The following FAH variants were observed in gnomAD, a reference collection of about 807,000 sequenced individuals.
FAH encodes the protein fumarylacetoacetate hydrolase, also known as fumarylacetoacetase.
A neutral mutation model predicts 55.8 loss-of-function variants in FAH; 47 were observed. The ratio of observed to expected loss-of-function variants is 0.84; its 90% CI spans 0.67 to 1.07. The LOEUF is 1.07. Ranked by LOEUF, FAH falls within the 50% of genes least tolerant of loss-of-function variation. The pLI, the probability that FAH is intolerant of heterozygous loss-of-function variation, is 0.00. For missense variants in FAH, 495 were observed against 545.9 expected (o/e 0.91, Z 0.93); for synonymous variants, 199 against 207.7 (o/e 0.96, Z 0.36).
At chr15:80,176,157 C>A (rs979703999) in intron 10 of FAH, among the ~76,000 whole-genome samples, 1 of 152,176 alleles carries the variant, frequency 6.6e-6, no homozygotes, top group Non-Finnish European at 1.5e-5. Context: ...GCTGGGATTA[C>A]AGGCATGCGC....
rs116235731 is a variant in FAH at position 80,173,834 on chromosome 15, C to T, written c.837+690C>T. ...GTTCTCCAGTGTCTCTGAGTCCTCA[C>T]GATGCCCCTCTCCAATTCTGACCTC... is the stretch of plus-strand genomic sequence containing the variant. On this transcript the variant is annotated intron_variant, in intron 9 of 13. Coordinates refer to ENST00000561421, the MANE Select transcript of FAH (RefSeq NM_000137.4). 707 of 159,238 alleles carry T rather than the reference C, an allele frequency of 4.4e-3. 5 individuals carry two copies. The highest frequency in any genetic ancestry group is 0.017 in the African/African-American group (692 of 41,650). 9.9% of individuals were successfully genotyped at this position (159,238 alleles called of 1,614,324 possible).
At chr15:80,170,978 G>A (rs1252499063) in intron 7 of FAH, among the ~76,000 whole-genome samples, 1 of 152,154 alleles carries the variant, frequency 6.6e-6, no homozygotes, top group African/African-American at 2.4e-5. Flanking sequence ...ACAGATAGGG[G>A]TTAGAGGCCG....
intron 4 of FAH, among the ~76,000 whole-genome samples, 195 bp from the exon 5 acceptor site, chr15:80,162,051 G>T (rs1295592442): frequency 1.3e-5 from 2 of 152,220 alleles, no homozygotes; most frequent in Non-Finnish European, 2.9e-5. Context: ...TTGTTTCTCA[G>T]CTGAGGGCTC....
chr15:80,184,738 C>T (rs2041356618), intron 13 of FAH, among the ~76,000 whole-genome samples: 1 of 152,146 alleles, frequency 6.6e-6, no homozygotes, highest in Admixed American at 6.5e-5. Context: ...TCTTAGGGCC[C>T]CCCAAAGGAC....
chr15:80,182,634 C>T (rs1474483915), intron 13 of FAH, among the ~76,000 whole-genome samples: 2 of 152,214 alleles, frequency 1.3e-5, no homozygotes, highest in South Asian at 4.1e-4. Flanking sequence ...ATTTTCTACT[C>T]ACAATAGCCC....
intron 10 of FAH, among the ~76,000 whole-genome samples, chr15:80,176,215 C>T (rs2041282798): frequency 6.6e-6 from 1 of 152,020 alleles, no homozygotes; most frequent in South Asian, 2.1e-4. Context: ...GGGGTTTCTT[C>T]ATGTTGGTCA....
chr15:80,154,468 T>G (rs1309686095), intron 1 of FAH, among the ~76,000 whole-genome samples: 1 of 152,252 alleles, frequency 6.6e-6, no homozygotes, highest in Non-Finnish European at 1.5e-5. Flanking sequence ...TACAGATGTC[T>G]GGAAGAGAGA....
At chr15:80,180,816 A>G (rs1027276083) in intron 12 of FAH, among the ~76,000 whole-genome samples, 1 of 152,154 alleles carries the variant, frequency 6.6e-6, no homozygotes, top group Non-Finnish European at 1.5e-5. Context: ...TTCCTAAACA[A>G]GCGATGTCCT....
chr15:80,161,629 C>T (rs11852901), intron 4 of FAH, among the ~76,000 whole-genome samples: 14,007 of 152,232 alleles, frequency 0.092, 720 homozygotes, highest in African/African-American at 0.14. Flanking sequence ...AGTGTGCAAG[C>T]CCTTGTCCTT....
At chr15:80,164,628 AT>A (rs1192389106) in intron 5 of FAH, among the ~76,000 whole-genome samples, 2 of 152,220 alleles carry the variant, frequency 1.3e-5, no homozygotes, top group African/African-American at 4.8e-5. Context: ...GGCAAAAAAT[AT>A]TAGACTCCAG....
Position 80,186,328 on chromosome 15 carries a change from C to T in FAH, c.*119C>T, listed in dbSNP as rs1405878001. The T allele has an allele frequency of 8.7e-6, 7 of 804,818 alleles. No individual in the cohort carries two copies. The South Asian group carries it at 9.9e-5, about 11-fold the overall frequency. 49.9% of individuals were successfully genotyped at this position (804,818 alleles called of 1,614,324 possible). Reference sequence around the variant, plus strand: ...TTCAGTGACAAATAAAGCCATTGTGCTCTGAGGCCTGCACTGCCGCAGATG... The same window carrying T: ...TTCAGTGACAAATAAAGCCATTGTGTTCTGAGGCCTGCACTGCCGCAGATG... On this transcript the variant is annotated 3_prime_UTR_variant, in exon 14 of 14. Transcript: ENST00000561421.
At chr15:80,153,199 AGTGG>A in intron 1 of FAH, 64 bp downstream of exon 1, 4 of 1,194,416 alleles carry the variant, frequency 3.3e-6, no homozygotes, top group Non-Finnish European at 5.0e-6. Context: ...AGTGGAGTGG[AGTGG>A]AGTGGAGTGG....
intron 9 of FAH, 167 bp downstream of exon 9, chr15:80,173,311 A>G: frequency 1.2e-6 from 1 of 838,994 alleles, no homozygotes; most frequent in Non-Finnish European, 2.0e-6. Context: ...GATTACTTCC[A>G]GGCAGCCAGG....
chr15:80,153,255 T>G (rs1241061219), intron 1 of FAH, 120 bp downstream of exon 1: 3 of 833,216 alleles, frequency 3.6e-6, no homozygotes, highest in Non-Finnish European at 6.0e-6. Flanking sequence ...TTGTGCCATT[T>G]TTCTCTTAAG....
rs776178600 is a variant in FAH, at chr15:80,158,067, C to T, written c.89C>T (p.Pro30Leu). The change falls in exon 2 of 14, where the codon CCG (proline) becomes CTG (leucine). Residue 30 changes from proline (P) to leucine (L), a missense_variant. Coordinates refer to ENST00000561421, the MANE Select transcript of FAH (RefSeq NM_000137.4). ...GVFSTRGDPRPRIGVAIGDQI... is the reference protein window; with the variant it reads ...GVFSTRGDPRLRIGVAIGDQI... ...GTGTCGTCTTCCTCCTAGCCAAGAC[C>T]GAGGATAGGTGTGGCCATTGGCGAC... 1.7e-5 allele frequency: 27 copies of T among 1,613,516 alleles called. No individual in the cohort carries two copies. Among genetic ancestry groups the T allele is most frequent in the Admixed American group, 5.0e-5 (3 of 60,014 alleles).
chr15:80,177,862 G>A (rs1452305342), intron 11 of FAH, among the ~76,000 whole-genome samples: 1 of 152,198 alleles, frequency 6.6e-6, no homozygotes, highest in South Asian at 2.1e-4. Context: ...GCCAGGGGCT[G>A]TATTGATGAG....
intron 2 of FAH, among the ~76,000 whole-genome samples, chr15:80,159,062 AC>A (rs2041124675): frequency 6.6e-6 from 1 of 151,536 alleles, no homozygotes; most frequent in African/African-American, 2.4e-5. Context: ...ACATGGTGAA[AC>A]CCCCTCTCTA....
At chr15:80,185,407 G>A (rs2041362183) in intron 13 of FAH, among the ~76,000 whole-genome samples, 1 of 152,228 alleles carries the variant, frequency 6.6e-6, no homozygotes. Flanking sequence ...GAGCCAATAA[G>A]TAGAGGAGCC....
At chr15:80,160,486 A>G in intron 4 of FAH, 27 bp downstream of exon 4, 1 of 1,611,624 alleles carries the variant, frequency 6.2e-7, no homozygotes, top group Middle Eastern at 1.7e-4. Context: ...CACCAAGATA[A>G]GAACGGAGCA....
Sources: allele counts gnomAD v4.1 joint callset (sites outside exome capture counted in the v4.1 genomes callset), GRCh38; gene constraint gnomAD v4.1.1; transcripts MANE v1.5; gene names NCBI Gene and HGNC (gene_info 2026-07-23, HGNC 2026-07-21).